BCAR1: variants seen among roughly 807,000 people sequenced by gnomAD.
BCAR1 encodes BCAR1 scaffold protein, Cas family member.
A neutral mutation model predicts 67.6 loss-of-function variants in BCAR1; 30 were observed. The ratio of observed to expected loss-of-function variants is 0.44; its 90% confidence interval spans 0.33 to 0.60. The LOEUF is 0.60. BCAR1 is among the 20% of genes least tolerant of loss of function. BCAR1 has a pLI of 0.02. For missense variants in BCAR1, 1,313 were observed against 1,222.3 expected (o/e 1.07, Z -1.11); for synonymous variants, 626 against 556.7 (o/e 1.12, Z -1.75).
intron 1 of BCAR1, chr16:75,250,733 G>A (rs945229486): frequency 1.0e-6 from 1 of 985,462 alleles, no homozygotes; most frequent in Non-Finnish European, 1.2e-6. Flanking sequence ...TAGCTCTTGC[G>A]GGTCCCCCAA....
At chr16:75,248,375 C>T (rs1241251756) in intron 1 of BCAR1, 1 of 1,252,842 alleles carries the variant, frequency 8.0e-7, no homozygotes, top group African/African-American at 1.5e-5. Flanking sequence ...AAGTTTATTT[C>T]TGGGGCATTC....
chr16:75,236,949 G>A lies in BCAR1; in HGVS notation c.845C>T (p.Pro282Leu), dbSNP rs529538122. The A allele has an allele frequency of 1.4e-5, 23 of 1,612,038 alleles. No homozygotes were observed. The highest frequency in any genetic ancestry group is 6.7e-5 in the African/African-American group (5 of 75,018). Reference sequence around the variant, plus strand: ...GGGCACGTCATACACCTCCAGCAACGGGTCTCGGCCATTGGGACCCTTGAC... The same window carrying A: ...GGGCACGTCATACACCTCCAGCAACAGGTCTCGGCCATTGGGACCCTTGAC... ...MAVKGPNGRD[P>L]LLEVYDVPPS... Residue 282 changes from proline to leucine, a missense_variant, in exon 4 of 7, where the codon CCG becomes CTG. Physicochemically the swap from Pro to Leu is moderately conservative, Grantham distance 98. This residue lies in a region of BCAR1 where 1,272 missense variants were observed against 1,137.5 expected (regional missense o/e 1.12). Coordinates refer to ENST00000162330, the MANE Select transcript of BCAR1 (RefSeq NM_014567.5).
In BCAR1 at chr16:75,242,512, G is replaced by A; in HGVS notation, c.591C>T (p.Ser197=). ...MGHDIYQVPP[S]MDTRSWEGTK... ...TGCCCTCCCAGCTGCGTGTGTCCAT[G>A]GACGGGGGGACCTGGTAGATGTCAT... The change falls in exon 2 of 7, where the codon TCC becomes TCT. Residue 197 remains serine (S), a synonymous_variant. Transcript: ENST00000162330. The A allele has an allele frequency of 1.4e-6, 2 of 1,478,642 alleles. No homozygotes were observed. Among genetic ancestry groups the A allele is most frequent in the Non-Finnish European group, 1.8e-6 (2 of 1,115,928 alleles). 91.6% of individuals were successfully genotyped at this position (1,478,642 alleles called of 1,614,324 possible).
chr16:75,234,840 G>C, intron 5 of BCAR1, 49 bp downstream of exon 5: 1 of 1,512,658 alleles, frequency 6.6e-7, no homozygotes, highest in Non-Finnish European at 8.8e-7. Flanking sequence ...CTAAGCACAG[G>C]AGCCCAGCGT....
intron 6 of BCAR1, 129 bp downstream of exon 6, chr16:75,233,717 G>A (rs1304878808): frequency 3.2e-5 from 29 of 902,608 alleles, no homozygotes; most frequent in Admixed American, 5.7e-5. Flanking sequence ...GTGGCAGGCC[G>A]GGCCCAGCTC....
In BCAR1 at chr16:75,235,261, C is replaced by A. The variant is rs749836791; in HGVS notation, c.1638G>T (p.Gln546His). The change falls in exon 5 of 7, where the codon CAG becomes CAT. Residue 546 changes from glutamine (Q) to histidine (H), a missense_variant. By Grantham distance (24) the Gln-to-His change is conservative (BLOSUM62 0). Transcript: ENST00000162330. ...ALHAKLSRQL[Q>H]KMEDVHQTLV... is the part of the protein sequence containing the mutation. ...GCGTCTGGTGCACGTCCTCCATCTT[C>A]TGCAGCTGCCGGCTAAGCTTGGCAT... The A allele has an allele frequency of 4.7e-5, 76 of 1,606,274 alleles. No homozygotes were observed. The highest frequency in any genetic ancestry group is 6.0e-5 in the Non-Finnish European group (70 of 1,174,856).
At chr16:75,263,533 G>C in intron 1 of BCAR1, 1 of 985,530 alleles carries the variant, frequency 1.0e-6, no homozygotes, top group Non-Finnish European at 1.2e-6. Flanking sequence ...GTCCGGGACT[G>C]CATGTGAGTC....
intron 1 of BCAR1, chr16:75,266,465 C>T: frequency 3.0e-6 from 1 of 329,852 alleles, no homozygotes; most frequent in Non-Finnish European, 5.5e-6. Context: ...CTGTAACCCC[C>T]ACTCCTGGGC....
intron 4 of BCAR1, chr16:75,236,229 G>C: frequency 5.4e-6 from 3 of 560,446 alleles, no homozygotes; most frequent in Non-Finnish European, 9.1e-6. Context: ...GACAGCTCTG[G>C]GACGAGCCGG....
Position 75,242,857 on chromosome 16 carries a change from C to T in BCAR1, c.246G>A (p.Pro82=), listed in dbSNP as rs189761144. The change falls in exon 2 of 7, where the codon CCG becomes CCA. Residue 82 remains proline (P), a synonymous_variant. Transcript: ENST00000162330. ...AGPGPGPPAT[P]AQPQPGLHAP... is the part of the protein sequence containing the mutation. ...CATGGAGGCCAGGCTGAGGCTGGGC[C>T]GGGGTGGCGGGAGGGCCGGGGCCAG... is the stretch of plus-strand genomic sequence containing the variant. 7.5e-5 allele frequency: 121 copies of T among 1,606,876 alleles called. No individual in the cohort carries two copies. The East Asian group carries it at 2.1e-3, about 28-fold the overall frequency.
At chr16:75,239,450 G>A (rs1388547543) in intron 2 of BCAR1, among the ~76,000 whole-genome samples, 1 of 152,192 alleles carries the variant, frequency 6.6e-6, no homozygotes, top group Non-Finnish European at 1.5e-5. Flanking sequence ...ATCAAGCGGG[G>A]GGACAAGCGA....
At chr16:75,245,001 C>CA (rs1390054922) in intron 1 of BCAR1, among the ~76,000 whole-genome samples, 5 of 151,764 alleles carry the variant, frequency 3.3e-5, no homozygotes, top group South Asian at 4.2e-4. Context: ...AAAAACTACA[C>CA]AAAAAGAAAA....
intron 2 of BCAR1, chr16:75,238,778 A>C (rs939893196): frequency 5.1e-6 from 5 of 985,352 alleles, no homozygotes; most frequent in Non-Finnish European, 6.0e-6. Context: ...CTCCAGAACT[A>C]TTTTTAGATG....
At chr16:75,239,734 T>C (rs2077272309) in intron 2 of BCAR1, among the ~76,000 whole-genome samples, 1 of 152,046 alleles carries the variant, frequency 6.6e-6, no homozygotes, top group Admixed American at 6.5e-5. Flanking sequence ...TCACCCGACC[T>C]GGGTCATGGT....
At chr16:75,237,658 G>A (rs1450935575) in intron 2 of BCAR1, among the ~76,000 whole-genome samples, 4 of 152,190 alleles carry the variant, frequency 2.6e-5, no homozygotes, top group Admixed American at 6.5e-5. Flanking sequence ...TGATGACACC[G>A]GTGGGGTGAG....
intron 1 of BCAR1, 106 bp downstream of exon 1, chr16:75,251,365 T>C (rs2077674957): frequency 2.1e-6 from 3 of 1,399,064 alleles, no homozygotes; most frequent in South Asian, 2.7e-5. Context: ...CGGCCGGCGG[T>C]TCCCAGGCCC....
At chr16:75,262,397 G>C (rs556708900) in intron 1 of BCAR1, among the ~76,000 whole-genome samples, 1 of 152,388 alleles carries the variant, frequency 6.6e-6, no homozygotes, top group East Asian at 1.9e-4. Flanking sequence ...GACAATGGCA[G>C]ACGGCGCCGG....
upstream of BCAR1, among the ~76,000 whole-genome samples, chr16:75,255,599 G>A (rs1041392938): frequency 2.6e-5 from 4 of 152,182 alleles, no homozygotes; most frequent in Non-Finnish European, 5.9e-5. Context: ...AGGAGGCTGA[G>A]GCAGGATAAT....
chr16:75,263,181 A>T (rs1037096505), intron 1 of BCAR1: 1 of 984,002 alleles, frequency 1.0e-6, no homozygotes, highest in Non-Finnish European at 1.2e-6. Context: ...CTCACTTCAC[A>T]GATGGGAAGC....
Sources: gnomAD v4.1 joint callset for allele counts (sites outside exome capture counted in the v4.1 genomes callset) on GRCh38, gnomAD v4.1.1 for gene constraint, gnomAD v4.1.1 regional missense constraint, MANE v1.5 for transcripts, NCBI Gene and HGNC (gene_info 2026-07-23, HGNC 2026-07-21) for gene names.